Variants in PHF20 observed in about 807,000 individuals in gnomAD.
PHF20 encodes PHD finger protein 20, also known as glioma-expressed antigen 2.
A neutral mutation model predicts 113.5 loss-of-function variants in PHF20; 23 were observed. The observed-to-expected ratio is 0.20, with a 90% CI of 0.15 to 0.29. The LOEUF (loss-of-function observed/expected upper bound fraction) is 0.29. Ranked by LOEUF, PHF20 falls within the 10% of genes least tolerant of loss-of-function variation. The pLI, the probability that PHF20 is intolerant of heterozygous loss-of-function variation, is 1.00. For missense variants in PHF20, 943 were observed against 1,219.6 expected (o/e 0.77, Z 3.38); for synonymous variants, 434 against 457.3 (o/e 0.95, Z 0.65).
chr20:35,917,423 A>G (rs1287666043), intron 12 of PHF20, 61 bp from the exon 13 acceptor site: 5 of 1,404,072 alleles, frequency 3.6e-6, no homozygotes, highest in Non-Finnish European at 5.0e-6. Flanking sequence ...ATTCTTGACA[A>G]TCAAAGGTTT....
intron 2 of PHF20, among the ~76,000 whole-genome samples, chr20:35,825,570 T>C (rs1477897769): frequency 6.6e-6 from 1 of 152,200 alleles, no homozygotes; most frequent in Non-Finnish European, 1.5e-5. Flanking sequence ...AAAACTTTTT[T>C]GATATTAATT....
At chr20:35,846,327 C>T (rs549900330) in intron 3 of PHF20, among the ~76,000 whole-genome samples, 1 of 151,656 alleles carries the variant, frequency 6.6e-6, no homozygotes, top group East Asian at 1.9e-4. Context: ...TACAGGTGGC[C>T]GCCACCACAC....
chr20:35,802,887 C>A (rs377687755), intron 2 of PHF20, among the ~76,000 whole-genome samples: 1 of 143,162 alleles, frequency 7.0e-6, no homozygotes. Context: ...TGCAGTGAGC[C>A]GAGATTGCAC....
chr20:35,862,045 T>C (rs1259576560), intron 5 of PHF20, among the ~76,000 whole-genome samples: 1 of 152,204 alleles, frequency 6.6e-6, no homozygotes, highest in Admixed American at 6.5e-5. Context: ...CCTGGCCTTA[T>C]TATGAAACAG....
chr20:35,832,017 C>A (rs1568625004), intron 2 of PHF20, among the ~76,000 whole-genome samples: 1 of 152,208 alleles, frequency 6.6e-6, no homozygotes, highest in Admixed American at 6.5e-5. Context: ...CCATAAGATC[C>A]TCCTGGCCCC....
At chr20:35,895,313 C>T (rs746133026) in intron 9 of PHF20, among the ~76,000 whole-genome samples, 7 of 151,960 alleles carry the variant, frequency 4.6e-5, no homozygotes, top group African/African-American at 1.4e-4. Context: ...TGTGAGCCAC[C>T]GTGCCCCGCT....
chr20:35,793,100 T>G (rs2041590642), intron 1 of PHF20, among the ~76,000 whole-genome samples: 1 of 152,138 alleles, frequency 6.6e-6, no homozygotes, highest in African/African-American at 2.4e-5. Context: ...TAAAATTGTT[T>G]ATGCTTTCTT....
At chr20:35,823,884 C>T (rs371777665) in intron 2 of PHF20, among the ~76,000 whole-genome samples, 1 of 152,138 alleles carries the variant, frequency 6.6e-6, no homozygotes, top group African/African-American at 2.4e-5. Flanking sequence ...GAGACTCACC[C>T]GTATTTTTGC....
At chr20:35,777,243 A>T (rs1250062050) in intron 1 of PHF20, among the ~76,000 whole-genome samples, 3 of 152,182 alleles carry the variant, frequency 2.0e-5, no homozygotes, top group African/African-American at 7.2e-5. Context: ...TCTAATGTAT[A>T]CTTAAAAAGG....
chr20:35,822,985 C>T (rs941422322), intron 2 of PHF20, among the ~76,000 whole-genome samples: 1 of 151,742 alleles, frequency 6.6e-6, no homozygotes, highest in Non-Finnish European at 1.5e-5. Context: ...ATTGACACCT[C>T]AGTACCACCC....
intron 1 of PHF20, among the ~76,000 whole-genome samples, chr20:35,790,811 A>T (rs2041529604): frequency 6.6e-6 from 1 of 151,972 alleles, no homozygotes; most frequent in Non-Finnish European, 1.5e-5. Context: ...TGCGCTGAGT[A>T]CCTTGAATAT....
Position 35,914,018 on chromosome 20 carries a change from A to G in PHF20, c.1661-15A>G, listed in dbSNP as rs1310990069. On this transcript the variant is annotated splice_polypyrimidine_tract_variant and intron_variant, in intron 11 of 17. Transcript: ENST00000374012. ...AACTAGGGTTATTCATTCCTTCCTG[A>G]TCCTGTTCTTCCAGAATGCCCCTGC... is the stretch of plus-strand genomic sequence containing the variant. The G allele has an allele frequency of 6.2e-7, 1 of 1,613,536 alleles. No individual in the cohort carries two copies. Among genetic ancestry groups the G allele is most frequent in the African/African-American group, 1.3e-5 (1 of 75,004 alleles).
At chr20:35,913,144 C>A in intron 10 of PHF20, 105 bp from the exon 11 acceptor site, 3 of 556,526 alleles carry the variant, frequency 5.4e-6, no homozygotes, top group East Asian at 5.6e-5. Flanking sequence ...CTCCAGACTT[C>A]CCAGGCAGAG....
chr20:35,775,598 A>G (rs2041156958), intron 1 of PHF20, among the ~76,000 whole-genome samples: 1 of 151,976 alleles, frequency 6.6e-6, no homozygotes, highest in Non-Finnish European at 1.5e-5. Flanking sequence ...TACTAAAAAT[A>G]GAAAAATTAC....
At chr20:35,854,379 A>G (rs570594822) in intron 4 of PHF20, among the ~76,000 whole-genome samples, 1 of 152,330 alleles carries the variant, frequency 6.6e-6, no homozygotes, top group East Asian at 1.9e-4. Flanking sequence ...GTTAGAGGAG[A>G]TGGAACAGGA....
chr20:35,855,427 AACCAGGC>A (rs1242944022), intron 4 of PHF20: 1 of 184,188 alleles, frequency 5.4e-6, no homozygotes, highest in East Asian at 1.7e-4. Flanking sequence ...GTTTTAACCC[AACCAGGC>A]ATAACTATGT....
intron 5 of PHF20, among the ~76,000 whole-genome samples, chr20:35,860,156 A>G (rs1034151800): frequency 6.6e-6 from 1 of 151,372 alleles, no homozygotes; most frequent in African/African-American, 2.4e-5. Flanking sequence ...ACCTCAAGTG[A>G]TCCGCCCACC....
intron 9 of PHF20, among the ~76,000 whole-genome samples, chr20:35,896,080 G>T (rs1404075594): frequency 7.4e-6 from 1 of 135,590 alleles, no homozygotes; most frequent in Non-Finnish European, 1.5e-5. Flanking sequence ...TATGCTTTGG[G>T]ATGTGTGTGT....
intron 9 of PHF20, among the ~76,000 whole-genome samples, chr20:35,895,394 G>A (rs2147048394): frequency 6.6e-6 from 1 of 152,194 alleles, no homozygotes; most frequent in East Asian, 1.9e-4. Context: ...CTGACTGCAA[G>A]TGATCTGCCC....
Sources: allele counts gnomAD v4.1 joint callset (sites outside exome capture counted in the v4.1 genomes callset), GRCh38; gene constraint gnomAD v4.1.1; transcripts MANE v1.5; gene names NCBI Gene and HGNC (gene_info 2026-07-23, HGNC 2026-07-21).